FAM107B: variants seen among roughly 807,000 people sequenced by gnomAD.
FAM107B encodes family with sequence similarity 107 member B.
A neutral mutation model predicts 31.5 loss-of-function variants in FAM107B; 21 were observed. That is an observed-to-expected ratio of 0.67 (90% CI 0.47 to 0.96). The LOEUF (loss-of-function observed/expected upper bound fraction) is 0.96, where lower values mean the gene tolerates loss of function less well. Among genes scored for constraint, FAM107B ranks in the 40% least tolerant of loss-of-function variants. The probability of loss-of-function intolerance (pLI) is 0.00; values close to 1 mark genes in which losing one functional copy is unlikely to be tolerated. For missense variants in FAM107B, 452 were observed against 377.1 expected, an observed-to-expected ratio of 1.20 and a Z score of -1.64; for synonymous variants, 157 against 141.5, an observed-to-expected ratio of 1.11 and a Z score of -0.78.
In FAM107B at chr10:14,774,724, T is replaced by A. The variant is rs1325400264; in HGVS notation, c.-61A>T. The stretch of plus-strand genomic sequence containing the variant: ...CAAGGAAATTTTCCAGGGGTCCACA[T>A]CACCTCCACTTTGCTTATAGGAACT... On this transcript the variant is annotated 5_prime_UTR_variant, in exon 1 of 5. It removes an upstream start codon present in the reference 5' UTR. Transcript: ENST00000181796. 6.5e-7 allele frequency: 1 copy of A among 1,529,812 alleles called. No individual in the cohort carries two copies. Among genetic ancestry groups the A allele is most frequent in the Non-Finnish European group, 8.9e-7 (1 of 1,123,998 alleles). 94.8% of individuals were successfully genotyped at this position (1,529,812 alleles called of 1,614,324 possible). A position where few individuals can be genotyped will look rare whatever the true frequency, so the allele number is the denominator to read the frequency against.
chr10:14,569,376 G>A (rs1470812281), intron 2 of FAM107B, among the ~76,000 whole-genome samples: 4 of 152,124 alleles, frequency 2.6e-5, no homozygotes, highest in Non-Finnish European at 5.9e-5. Flanking sequence ...GTGTTGTGGT[G>A]AGCTGCAGTT....
intron 1 of FAM107B, among the ~76,000 whole-genome samples, chr10:14,759,920 C>A (rs11259314): frequency 0.073 from 11,170 of 152,136 alleles, 504 homozygotes; most frequent in South Asian, 0.11. Context: ...CCATGTTGGC[C>A]GGGCTGGTCT....
At chr10:14,641,240 A>G (rs1588677133) in intron 2 of FAM107B, among the ~76,000 whole-genome samples, 1 of 152,236 alleles carries the variant, frequency 6.6e-6, no homozygotes, top group East Asian at 1.9e-4. Context: ...TTTCCAAGCT[A>G]TATATTAAGT....
At chr10:14,522,284 C>G (rs538856086) in intron 3 of FAM107B, 26 of 426,032 alleles carry the variant, frequency 6.1e-5, no homozygotes, top group Non-Finnish European at 8.4e-5. Context: ...CACTAGGCTA[C>G]GCAAAGGAGG....
At position 14,521,931 on chromosome 10, in the gene FAM107B, C is replaced by T; in HGVS notation, c.742G>A (p.Ala248Thr). 1 of 1,614,096 alleles carries T rather than the reference C, an allele frequency of 6.2e-7. No individual in the cohort carries two copies. The highest frequency in any genetic ancestry group is 8.5e-7 in the Non-Finnish European group (1 of 1,179,954). ...TCCAAGTCAGATTTCTTCTTCTGTG[C>T]TTCTTCTTCCTTCTGCTTTATTACT... ...DQVIKQKEEE[A>T]QKKKSDLEIE... The change falls in exon 4 of 5, where the codon GCA becomes ACA. Residue 248 changes from alanine (A) to threonine (T), a missense_variant. Physicochemically the swap from Ala to Thr is moderately conservative, Grantham distance 58. Transcript: ENST00000181796.
At position 14,753,921 on chromosome 10, in the gene FAM107B, T is replaced by C. The variant is rs927065211; in HGVS notation, c.411+20332A>G. On this transcript the variant is annotated intron_variant, in intron 1 of 4. Transcript: ENST00000181796. ...TCCAACTAACCAATTTTTTATATCA[T>C]AGATGAAAAGTCTTTTTTTTCTTTT... is the stretch of plus-strand genomic sequence containing the variant. Among the ~76,000 whole-genome samples, 24 of 151,272 alleles carry C rather than the reference T, an allele frequency of 1.6e-4. 1 individual carries two copies. In the East Asian group the frequency reaches 2.9e-3, roughly 18 times the overall value.
At chr10:14,637,839 T>TCA (rs1477166276) in intron 2 of FAM107B, among the ~76,000 whole-genome samples, 1 of 152,070 alleles carries the variant, frequency 6.6e-6, no homozygotes, top group Non-Finnish European at 1.5e-5. Flanking sequence ...ACAGAAGCTT[T>TCA]CAATCTTACC....
intron 1 of FAM107B, among the ~76,000 whole-genome samples, chr10:14,717,839 CT>C (rs1855815947): frequency 6.6e-6 from 1 of 152,328 alleles, no homozygotes; most frequent in African/African-American, 2.4e-5. Flanking sequence ...CCACCACACC[CT>C]CTCAACTATC....
At chr10:14,549,580 C>G (rs35693467) in intron 2 of FAM107B, among the ~76,000 whole-genome samples, 1 of 152,174 alleles carries the variant, frequency 6.6e-6, no homozygotes, top group Admixed American at 6.5e-5. Context: ...TGATTCAACT[C>G]TGCACATTAA....
chr10:14,607,746 G>A (rs1001168226), intron 2 of FAM107B, among the ~76,000 whole-genome samples: 5 of 152,060 alleles, frequency 3.3e-5, no homozygotes, highest in Non-Finnish European at 4.4e-5. Context: ...TGGCTTAGAG[G>A]GTCTTTACTG....
At chr10:14,533,420 G>A (rs1847247474) in intron 2 of FAM107B, among the ~76,000 whole-genome samples, 1 of 152,196 alleles carries the variant, frequency 6.6e-6, no homozygotes, top group South Asian at 2.1e-4. Context: ...GAAAGAGCAA[G>A]TGGATCTAGG....
chr10:14,717,630 A>G (rs978295718), intron 1 of FAM107B, among the ~76,000 whole-genome samples: 6 of 152,156 alleles, frequency 3.9e-5, no homozygotes, highest in Non-Finnish European at 5.9e-5. Context: ...CTTCTCCCCA[A>G]TCTTCCGCCT....
At chr10:14,679,419 C>G (rs988541589) in intron 1 of FAM107B, among the ~76,000 whole-genome samples, 3 of 138,522 alleles carry the variant, frequency 2.2e-5, no homozygotes, top group Non-Finnish European at 5.0e-5. Context: ...GCATGAACCA[C>G]TGGACCTGGC....
intron 2 of FAM107B, among the ~76,000 whole-genome samples, chr10:14,600,610 T>G (rs544138292): frequency 6.6e-6 from 1 of 152,200 alleles, no homozygotes; most frequent in African/African-American, 2.4e-5. Context: ...ACAATTTTTG[T>G]GTAATTTTGT....
At chr10:14,703,365 G>A (rs1588716576) in intron 1 of FAM107B, among the ~76,000 whole-genome samples, 1 of 128,614 alleles carries the variant, frequency 7.8e-6, no homozygotes, top group African/African-American at 3.0e-5. Context: ...GTCTCTCTCT[G>A]TCCCCCAGGC....
In FAM107B at chr10:14,643,875, T is replaced by C. The variant is rs147784951; in HGVS notation, c.469+23759A>G. Among the ~76,000 whole-genome samples, 69 of 152,378 alleles carry C rather than the reference T, an allele frequency of 4.5e-4. 1 individual carries two copies. The highest frequency in any genetic ancestry group is 1.2e-3 in the Admixed American group (19 of 15,306). On this transcript the variant is annotated intron_variant, in intron 2 of 4. Transcript: ENST00000181796. ...GCACAGACCCTCAGGTATATGATTT[T>C]AGTACTCCACAACAACTGCAGGCTT...
Position 14,767,055 on chromosome 10 carries a change from TAGAGAGAGAGAG to T in FAM107B, c.411+7186_411+7197del, listed in dbSNP as rs1186875187. 5.6e-3 allele frequency among the ~76,000 whole-genome samples: 102 copies of T among 18,256 alleles called. 5 individuals carry two copies. Among genetic ancestry groups the T allele is most frequent in the East Asian group, 0.031 (8 of 260 alleles). 12.0% of individuals were successfully genotyped at this position (18,256 alleles called of 152,430 possible). A position where few individuals can be genotyped will look rare whatever the true frequency, so the allele number is the denominator to read the frequency against. On this transcript the variant is annotated intron_variant, in intron 1 of 4. Coordinates refer to ENST00000181796, the MANE Select transcript of FAM107B (RefSeq NM_031453.4). ...ATATATATATATATATATATATATA[TAGAGAGAGAGAG>T]AGAGAGAGAGAGAGAGAGAGAGAGA...
chr10:14,758,326 A>G (rs780733564), intron 1 of FAM107B, among the ~76,000 whole-genome samples: 21 of 152,140 alleles, frequency 1.4e-4, no homozygotes, highest in Non-Finnish European at 2.8e-4. Context: ...AGGATATTTC[A>G]TTGCCTATTT....
At chr10:14,767,970 C>A (rs970192674) in intron 1 of FAM107B, among the ~76,000 whole-genome samples, 1 of 151,820 alleles carries the variant, frequency 6.6e-6, no homozygotes, top group Non-Finnish European at 1.5e-5. Flanking sequence ...AGATAAAGAC[C>A]CCTGCACAAA....
Sources: gnomAD v4.1 joint callset for allele counts (sites outside exome capture counted in the v4.1 genomes callset) on GRCh38, gnomAD v4.1.1 for gene constraint, MANE v1.5 for transcripts, NCBI Gene and HGNC (gene_info 2026-07-23, HGNC 2026-07-21) for gene names.